APOL2: variants seen among roughly 807,000 people sequenced by gnomAD.
APOL2 encodes the protein apolipoprotein L, 2.
Under a neutral mutation model 7.1 loss-of-function variants are expected in APOL2, and 8 were observed. That is an observed-to-expected ratio of 1.12 (90% CI 0.66 to 2.03). The LOEUF is 2.03. Among genes scored for constraint, APOL2 ranks in the 30% most tolerant of loss-of-function variants. The pLI, the probability that APOL2 is intolerant of heterozygous loss-of-function variation, is 0.00. For missense variants in APOL2, 471 were observed against 415.1 expected (o/e 1.13, Z -1.17); for synonymous variants, 177 against 159.9 (o/e 1.11, Z -0.81).
chr22:36,233,598 T>C (rs2146977321), intron 1 of APOL2, 143 bp from the exon 2 acceptor site: 4 of 717,894 alleles, frequency 5.6e-6, no homozygotes, highest in South Asian at 5.1e-5. Context: ...TGATAACTAG[T>C]TGATGATAGC....
At chr22:36,231,819 A>G (rs1030310894) in intron 3 of APOL2, among the ~76,000 whole-genome samples, 7 of 152,238 alleles carry the variant, frequency 4.6e-5, no homozygotes, top group Admixed American at 3.3e-4. Flanking sequence ...GCCGCAAGCC[A>G]GCAAGAGAGT....
At position 36,227,490 on chromosome 22, in the gene APOL2, G is replaced by A; in HGVS notation, c.928C>T (p.Leu310=). 1 of 1,614,178 alleles carries A rather than the reference G, an allele frequency of 6.2e-7. No homozygotes were observed. The highest frequency in any genetic ancestry group is 8.5e-7 in the Non-Finnish European group (1 of 1,180,036). ...TCCAGCTCCTGAGCCCGCTTCTTCA[G>A]CTCCTCAGCTGACTCTGACTTTGCC... ...EGAKSESAEE[L]KKRAQELEGK... Residue 310 remains leucine, a synonymous_variant, in exon 5 of 5, where the codon CTG becomes TTG. Transcript: ENST00000358502.
intron 1 of APOL2, among the ~76,000 whole-genome samples, chr22:36,235,737 A>G (rs1409667904): frequency 1.6e-5 from 2 of 124,784 alleles, no homozygotes; most frequent in Admixed American, 8.1e-5. Flanking sequence ...CACCGGGAGG[A>G]AGAAAGGGTG....
At position 36,227,848 on chromosome 22, in the gene APOL2, A is replaced by G. The variant is rs1400999930; in HGVS notation, c.570T>C (p.Asn190=). ...CAAACTCCTTCATCACCTTTGCTAC[A>G]TTGGTGCCGCTTTGGTCCAAGTTGC... ...QARNLDQSGT[N]VAKVMKEFVG... Residue 190 remains asparagine, a synonymous_variant, in exon 5 of 5, where the codon AAT becomes AAC. Coordinates refer to ENST00000358502, the MANE Select transcript of APOL2 (RefSeq NM_030882.4). 25 of 1,614,058 alleles carry G rather than the reference A, an allele frequency of 1.5e-5. No homozygotes were observed. Among genetic ancestry groups the G allele is most frequent in the Non-Finnish European group, 1.9e-5 (23 of 1,180,036 alleles).
intron 1 of APOL2, among the ~76,000 whole-genome samples, chr22:36,233,969 T>C (rs913658333): frequency 6.6e-6 from 1 of 152,200 alleles, no homozygotes; most frequent in Non-Finnish European, 1.5e-5. Flanking sequence ...TCTCTAAGAT[T>C]CTTTGTCCCA....
intron 1 of APOL2, 76 bp from the exon 2 acceptor site, chr22:36,233,531 A>G: frequency 7.7e-7 from 1 of 1,306,670 alleles, no homozygotes; most frequent in Non-Finnish European, 1.1e-6. Flanking sequence ...GAGTCTATAC[A>G]CAGGAATAGA....
chr22:36,230,053 C>T (rs1462718115), intron 4 of APOL2, among the ~76,000 whole-genome samples: 2 of 152,230 alleles, frequency 1.3e-5, no homozygotes, highest in Non-Finnish European at 2.9e-5. Context: ...CACAGCAAGG[C>T]CATGTGCAAT....
rs760587929 is a variant in APOL2, at chr22:36,228,181, C to T, written c.237G>A (p.Gln79=). The stretch of plus-strand genomic sequence containing the variant: ...ACCGAGGAAACTCTTTCAAAAACCA[C>T]TGCCTGTGCTGCTGGTCTTTATCGT... ...NRHDKDQQHR[Q]WFLKEFPRLK... Residue 79 remains glutamine (Q), a synonymous_variant, in exon 5 of 5, where the codon CAG becomes CAA. Coordinates refer to ENST00000358502, the MANE Select transcript of APOL2 (RefSeq NM_030882.4). 8 of 1,614,126 alleles carry T rather than the reference C, an allele frequency of 5.0e-6. No homozygotes were observed. The Admixed American group carries it at 5.0e-5, about 10-fold the overall frequency.
Position 36,233,214 on chromosome 22 carries a change from T to C in APOL2, c.-52A>G, listed in dbSNP as rs2015288917. The C allele has an allele frequency of 5.6e-6, 9 of 1,613,988 alleles. No homozygotes were observed. In the East Asian group the frequency reaches 2.0e-4, roughly 36 times the overall value. ...GCTTTCCTTGGAGCTCTCCAGTCAC[T>C]GTCCAGACTGGAAGGTTTTCCTTAA... On this transcript the variant is annotated 5_prime_UTR_variant, in exon 3 of 5. Transcript: ENST00000358502.
chr22:36,233,889 ACT>A (rs2015315397), intron 1 of APOL2, among the ~76,000 whole-genome samples: 1 of 151,842 alleles, frequency 6.6e-6, no homozygotes, highest in South Asian at 2.1e-4. Context: ...CCTGTCTCAC[ACT>A]CTGTGCTCAA....
intron 1 of APOL2, chr22:36,236,989 T>C (rs968040565): frequency 1.1e-4 from 152 of 1,389,282 alleles, no homozygotes; most frequent in Non-Finnish European, 1.3e-4. Flanking sequence ...CGCCATCTCA[T>C]GAGCCATGAG....
At chr22:36,237,384 T>C in intron 1 of APOL2, 37 of 1,259,312 alleles carry the variant, frequency 2.9e-5, no homozygotes, top group Non-Finnish European at 3.7e-5. Context: ...GAAAGAGGAG[T>C]CGAAATGATT....
chr22:36,230,260 G>C (rs1217682363), intron 4 of APOL2, among the ~76,000 whole-genome samples: 1 of 151,978 alleles, frequency 6.6e-6, no homozygotes, highest in African/African-American at 2.4e-5. Flanking sequence ...GGTCACTAAG[G>C]CATGCCATGG....
chr22:36,226,999 C>T lies in APOL2; in HGVS notation c.*405G>A, dbSNP rs1264554263. On this transcript the variant is annotated 3_prime_UTR_variant, in exon 5 of 5. Transcript: ENST00000358502. ...ACTCAGTTCCATAAGCTTTACCTTGCCCTCCTTATCCCCCTAATAAAATGT... is the reference window on the plus strand; with the variant it reads ...ACTCAGTTCCATAAGCTTTACCTTGTCCTCCTTATCCCCCTAATAAAATGT... 1 of 177,228 alleles carries T rather than the reference C, an allele frequency of 5.6e-6. No homozygotes were observed. Among genetic ancestry groups the T allele is most frequent in the Non-Finnish European group, 1.2e-5 (1 of 83,414 alleles). 11.0% of individuals were successfully genotyped at this position (177,228 alleles called of 1,614,324 possible). A position where few individuals can be genotyped will look rare whatever the true frequency, so the allele number is the denominator to read the frequency against.
intron 1 of APOL2, chr22:36,237,048 TG>T: frequency 6.8e-7 from 1 of 1,479,654 alleles, no homozygotes; most frequent in South Asian, 1.4e-5. Context: ...CAGACAGAGC[TG>T]GGGCCTCGGA....
Position 36,227,606 on chromosome 22 carries a change from C to T in APOL2, c.812G>A (p.Gly271Glu), listed in dbSNP as rs2015053344. The change falls in exon 5 of 5, where the codon GGA (glycine) becomes GAA (glutamate). Residue 271 changes from glycine (G) to glutamate (E), a missense_variant. Gly to Glu is a moderately conservative substitution (Grantham distance 98). Transcript: ENST00000358502. ...AGTGGCTGCACCCACGATCATGGTT[C>T]CTCTGCTCATTGCCTGGGCGGGGCC... is the stretch of plus-strand genomic sequence containing the variant. ...VEGPAQAMSR[G>E]TMIVGAATGG... 1.9e-6 allele frequency: 3 copies of T among 1,614,252 alleles called. No homozygotes were observed. The highest frequency in any genetic ancestry group is 1.7e-6 in the Non-Finnish European group (2 of 1,180,050).
rs777749154 is a variant in APOL2, at chr22:36,231,452, T to C, written c.25A>G (p.Ile9Val). 5 of 1,612,886 alleles carry C rather than the reference T, an allele frequency of 3.1e-6. 1 individual carries two copies. In the South Asian group the frequency reaches 5.5e-5, roughly 18 times the overall value. The stretch of plus-strand genomic sequence containing the variant: ...TGGAAATACTTAAGGTAATCCTCAA[T>C]AAAGATACTGCTCTCTAGTTGGAAA... MNPESSIFIEDYLKYFQDQ... is the reference protein window; with the variant it reads MNPESSIFVEDYLKYFQDQ... Residue 9 changes from isoleucine to valine, a missense_variant, in exon 4 of 5, where the codon ATT becomes GTT. Transcript: ENST00000358502.
intron 1 of APOL2, chr22:36,236,527 AATG>A (rs1488775548): frequency 1.0e-6 from 1 of 974,566 alleles, no homozygotes; most frequent in East Asian, 1.1e-4. Context: ...TATAAGTAAT[AATG>A]ATAATACCGA....
intron 3 of APOL2, among the ~76,000 whole-genome samples, chr22:36,232,457 G>C (rs565904731): frequency 1.3e-5 from 2 of 152,222 alleles, no homozygotes; most frequent in Non-Finnish European, 2.9e-5. Flanking sequence ...AGATAGAGGG[G>C]ATGCAAACTA....
Sources: gnomAD v4.1 joint callset for allele counts (sites outside exome capture counted in the v4.1 genomes callset) on GRCh38, gnomAD v4.1.1 for gene constraint, MANE v1.5 for transcripts, NCBI Gene and HGNC (gene_info 2026-07-23, HGNC 2026-07-21) for gene names.